ZNF804B: variants seen among roughly 807,000 people sequenced by gnomAD.
ZNF804B encodes the protein zinc finger 804B.
A neutral mutation model predicts 101.4 loss-of-function variants in ZNF804B; 80 were observed. The ratio of observed to expected loss-of-function variants is 0.79; its 90% CI spans 0.66 to 0.95. ZNF804B has a LOEUF of 0.95. Among genes scored for constraint, ZNF804B ranks in the 40% least tolerant of loss-of-function variants. The probability of loss-of-function intolerance (pLI) is 0.00; values close to 1 mark genes in which losing one functional copy is unlikely to be tolerated. For missense variants in ZNF804B, 1,673 were observed against 1,561.9 expected, an observed-to-expected ratio of 1.07 and a Z score of -1.20; for synonymous variants, 622 against 558.8, an observed-to-expected ratio of 1.11 and a Z score of -1.59.
intron 1 of ZNF804B, among the ~76,000 whole-genome samples, chr7:89,166,697 T>G (rs536856832): frequency 6.6e-6 from 1 of 152,302 alleles, no homozygotes; most frequent in South Asian, 2.1e-4. Context: ...GTTTATGGTA[T>G]TGCACTAAAC....
intron 1 of ZNF804B, among the ~76,000 whole-genome samples, chr7:89,066,588 C>G (rs559735396): frequency 6.6e-5 from 10 of 152,142 alleles, no homozygotes; most frequent in Admixed American, 2.6e-4. Flanking sequence ...AGAAGACAGA[C>G]TGGACTTTTT....
rs866600798 is a variant in ZNF804B at position 89,224,742 on chromosome 7, G to A, written c.249+6447G>A. 4.3e-5 allele frequency among the ~76,000 whole-genome samples: 4 copies of A among 92,388 alleles called. No individual in the cohort carries two copies. The East Asian group carries it at 8.5e-4, about 20-fold the overall frequency. The allele number at this position is 92,388 out of a possible 152,430, so 60.6% of individuals were successfully genotyped here. A position where few individuals can be genotyped will look rare whatever the true frequency, so the allele number is the denominator to read the frequency against. ...TGTGTGTGTGTGTGTGTGTGTGTGT[G>A]TGTGTGTGTATGAGTGTGTGTGTGT... is the stretch of plus-strand genomic sequence containing the variant. On this transcript the variant is annotated intron_variant, in intron 2 of 3. Coordinates refer to ENST00000333190, the MANE Select transcript of ZNF804B (RefSeq NM_181646.5).
chr7:88,855,221 C>T (rs905140541), intron 1 of ZNF804B, among the ~76,000 whole-genome samples: 1 of 152,084 alleles, frequency 6.6e-6, no homozygotes, highest in Admixed American at 6.5e-5. Context: ...GTCTCACCAA[C>T]ATTGTAAAAG....
At chr7:89,007,573 ATATAAT>A (rs1788388773) in intron 1 of ZNF804B, among the ~76,000 whole-genome samples, 2 of 128,830 alleles carry the variant, frequency 1.6e-5, no homozygotes, top group Admixed American at 1.7e-4. Flanking sequence ...TTATAATTAT[ATATAAT>A]ATATATTTAT....
intron 1 of ZNF804B, among the ~76,000 whole-genome samples, chr7:88,824,578 C>T (rs144017180): frequency 3.0e-4 from 46 of 152,290 alleles, no homozygotes; most frequent in African/African-American, 1.0e-3. Flanking sequence ...ACAAACTTTA[C>T]CTTATCTAGC....
At chr7:89,271,714 T>G (rs1169484254) in intron 2 of ZNF804B, among the ~76,000 whole-genome samples, 1 of 152,124 alleles carries the variant, frequency 6.6e-6, no homozygotes, top group East Asian at 1.9e-4. Context: ...TTTTTTTGGT[T>G]GATAAGCTAT....
intron 1 of ZNF804B, among the ~76,000 whole-genome samples, chr7:89,167,024 T>G (rs562438852): frequency 6.6e-6 from 1 of 152,320 alleles, no homozygotes; most frequent in African/African-American, 2.4e-5. Flanking sequence ...TTTGTGTATA[T>G]TTTAAATGAT....
chr7:89,080,092 G>A (rs1243813433), intron 1 of ZNF804B, among the ~76,000 whole-genome samples: 1 of 151,762 alleles, frequency 6.6e-6, no homozygotes, highest in East Asian at 1.9e-4. Context: ...CCTGAAATAA[G>A]GAAACTGATT....
At chr7:88,768,103 G>T (rs10256654) in intron 1 of ZNF804B, among the ~76,000 whole-genome samples, 3,446 of 152,104 alleles carry the variant, frequency 0.023, 125 homozygotes, top group African/African-American at 0.079. Context: ...AATGAACGGA[G>T]GTGTGAATAA....
At chr7:89,183,628 C>G (rs1788332859) in intron 1 of ZNF804B, among the ~76,000 whole-genome samples, 1 of 152,082 alleles carries the variant, frequency 6.6e-6, no homozygotes, top group Non-Finnish European at 1.5e-5. Flanking sequence ...TCAGGTAGAG[C>G]AAATCTTAGA....
At chr7:89,303,677 T>C (rs1360464759) in intron 2 of ZNF804B, among the ~76,000 whole-genome samples, 1 of 151,844 alleles carries the variant, frequency 6.6e-6, no homozygotes, top group Admixed American at 6.6e-5. Flanking sequence ...ATATCTGACA[T>C]GTGAAAATCT....
chr7:89,332,996 C>A (rs1393630754), intron 3 of ZNF804B, among the ~76,000 whole-genome samples: 2 of 151,698 alleles, frequency 1.3e-5, no homozygotes, highest in Admixed American at 6.6e-5. Context: ...TATTTAATTT[C>A]TTATTTAATG....
chr7:88,798,428 CA>C (rs1160586564), intron 1 of ZNF804B, among the ~76,000 whole-genome samples: 1 of 152,046 alleles, frequency 6.6e-6, no homozygotes, highest in Non-Finnish European at 1.5e-5. Context: ...TATGAACTAT[CA>C]TTTCTGTAAG....
intron 1 of ZNF804B, among the ~76,000 whole-genome samples, chr7:89,041,747 G>T (rs1041027519): frequency 2.6e-5 from 4 of 152,122 alleles, no homozygotes; most frequent in Admixed American, 2.0e-4. Flanking sequence ...TGTGGGAAGG[G>T]TTTCATGAAT....
At chr7:89,039,274 T>C (rs1255596204) in intron 1 of ZNF804B, among the ~76,000 whole-genome samples, 2 of 152,026 alleles carry the variant, frequency 1.3e-5, no homozygotes, top group East Asian at 3.8e-4. Context: ...TAAACATTTT[T>C]TGTTTGTTTG....
At chr7:89,125,077 T>G (rs1209399448) in intron 1 of ZNF804B, among the ~76,000 whole-genome samples, 1 of 151,778 alleles carries the variant, frequency 6.6e-6, no homozygotes, top group African/African-American at 2.4e-5. Flanking sequence ...AATTTTGGTG[T>G]GTCAATATGA....
At chr7:88,911,969 A>G (rs1458546564) in intron 1 of ZNF804B, among the ~76,000 whole-genome samples, 2 of 151,814 alleles carry the variant, frequency 1.3e-5, no homozygotes, top group Non-Finnish European at 2.9e-5. Flanking sequence ...GTGTATTTCC[A>G]AGTAATATCT....
chr7:89,295,285 C>T (rs1401877348), intron 2 of ZNF804B, among the ~76,000 whole-genome samples: 1 of 152,172 alleles, frequency 6.6e-6, no homozygotes, highest in Admixed American at 6.5e-5. Flanking sequence ...AATATCACTG[C>T]TGCCCACTGC....
chr7:89,154,185 A>G (rs1474493075), intron 1 of ZNF804B, among the ~76,000 whole-genome samples: 1 of 152,192 alleles, frequency 6.6e-6, no homozygotes, highest in Non-Finnish European at 1.5e-5. Context: ...ACAGTGAGAT[A>G]TCATCTCACC....
Sources: gnomAD v4.1 joint callset for allele counts (sites outside exome capture counted in the v4.1 genomes callset) on GRCh38, gnomAD v4.1.1 for gene constraint, MANE v1.5 for transcripts, NCBI Gene and HGNC (gene_info 2026-07-23, HGNC 2026-07-21) for gene names.